The following SEPTIN7 variants were observed in gnomAD, a reference collection of about 807,000 sequenced individuals.
The protein encoded by SEPTIN7 is septin-7.
SEPTIN7 carries 10 observed loss-of-function variants against 63.3 expected under a neutral mutation model. The ratio of observed to expected loss-of-function variants is 0.16; its 90% CI spans 0.10 to 0.27. SEPTIN7 has a LOEUF of 0.27. SEPTIN7 is among the 10% of genes least tolerant of loss of function. SEPTIN7 has a pLI of 1.00. For missense variants in SEPTIN7, 310 were observed against 521.0 expected, an observed-to-expected ratio of 0.59 and a Z score of 3.94; for synonymous variants, 131 against 165.3, an observed-to-expected ratio of 0.79 and a Z score of 1.59.
At chr7:35,910,596 A>G (rs1181095556), downstream of SEPTIN7, among the ~76,000 whole-genome samples, 7 of 152,344 alleles carry the variant, frequency 4.6e-5, no homozygotes, top group South Asian at 4.1e-4. Flanking sequence ...ATGCCTATTA[A>G]TGTGATTTCT....
intron 10 of SEPTIN7, chr7:35,888,881 T>C: frequency 2.9e-6 from 1 of 340,534 alleles, no homozygotes; most frequent in South Asian, 2.4e-5. Context: ...TGTTTTATAT[T>C]GGCATAGGTA....
intron 7 of SEPTIN7, among the ~76,000 whole-genome samples, chr7:35,881,360 T>C (rs934254119): frequency 2.6e-5 from 4 of 151,960 alleles, no homozygotes; most frequent in Non-Finnish European, 4.4e-5. Flanking sequence ...AGTGACCTCT[T>C]CTTTCAAATT....
intron 1 of SEPTIN7, among the ~76,000 whole-genome samples, chr7:35,817,148 A>G (rs994223098): frequency 5.9e-5 from 9 of 152,030 alleles, no homozygotes; most frequent in Non-Finnish European, 1.3e-4. Flanking sequence ...GGTCATGAAA[A>G]TATACCCCTA....
chr7:35,823,124 T>C (rs1783314274), intron 1 of SEPTIN7, among the ~76,000 whole-genome samples: 2 of 152,174 alleles, frequency 1.3e-5, no homozygotes, highest in Admixed American at 6.5e-5. Flanking sequence ...ATAATAACCC[T>C]GTGGGGCTAT....
chr7:35,804,652 C>T (rs913630025), intron 1 of SEPTIN7, among the ~76,000 whole-genome samples: 4 of 152,042 alleles, frequency 2.6e-5, no homozygotes, highest in East Asian at 1.9e-4. Context: ...TACAGTTAGG[C>T]GTTGTTAACA....
chr7:35,880,063 T>C, intron 7 of SEPTIN7, 123 bp downstream of exon 7: 1 of 633,304 alleles, frequency 1.6e-6, no homozygotes, highest in South Asian at 1.9e-5. Flanking sequence ...TCATTTATAC[T>C]GTATTAGAAA....
At chr7:35,833,913 T>C (rs1210952612) in intron 3 of SEPTIN7, among the ~76,000 whole-genome samples, 1 of 152,026 alleles carries the variant, frequency 6.6e-6, no homozygotes, top group Non-Finnish European at 1.5e-5. Flanking sequence ...TTTGGCTCTT[T>C]GGAAGTTGTA....
At chr7:35,821,066 G>T (rs80014926) in intron 1 of SEPTIN7, among the ~76,000 whole-genome samples, 3 of 151,614 alleles carry the variant, frequency 2.0e-5, no homozygotes, top group African/African-American at 7.3e-5. Context: ...TGATTGTTCT[G>T]TTTTTTTCCA....
intron 1 of SEPTIN7, among the ~76,000 whole-genome samples, chr7:35,809,814 G>A (rs1788581519): frequency 1.3e-5 from 2 of 152,206 alleles, no homozygotes; most frequent in Admixed American, 6.5e-5. Flanking sequence ...CGTAAGAATC[G>A]TGATGATAAT....
At chr7:35,891,743 TTTCTC>T (rs1374358877) in intron 11 of SEPTIN7, among the ~76,000 whole-genome samples, 1 of 152,184 alleles carries the variant, frequency 6.6e-6, no homozygotes, top group Non-Finnish European at 1.5e-5. Flanking sequence ...ATTTTTTAAA[TTTCTC>T]TTCAATAATC....
intron 6 of SEPTIN7, among the ~76,000 whole-genome samples, chr7:35,878,846 A>G (rs1786645391): frequency 6.6e-6 from 1 of 152,182 alleles, no homozygotes; most frequent in African/African-American, 2.4e-5. Context: ...TAGCATATCC[A>G]CTGGGTAAAC....
Position 35,828,400 on chromosome 7 carries a change from A to T in SEPTIN7, c.62-3092A>T, listed in dbSNP as rs191247670. 2.0e-3 allele frequency among the ~76,000 whole-genome samples: 304 copies of T among 151,564 alleles called. 1 individual carries two copies. Among genetic ancestry groups the T allele is most frequent in the African/African-American group, 7.1e-3 (291 of 41,266 alleles). On this transcript the variant is annotated intron_variant, in intron 1 of 13. Coordinates refer to ENST00000350320, the MANE Select transcript of SEPTIN7 (RefSeq NM_001788.6). ...CCCTTCTTCTTTTTTTTGAGACTGG[A>T]GTTTCTCTCTTGTTGCCCAGGCTGG...
chr7:35,893,854 A>G (rs1787796684), intron 11 of SEPTIN7, among the ~76,000 whole-genome samples: 1 of 152,218 alleles, frequency 6.6e-6, no homozygotes, highest in Admixed American at 6.5e-5. Flanking sequence ...CCAGTCAGCT[A>G]TAATTTGTCT....
chr7:35,887,191 AT>A (rs1367557623), intron 10 of SEPTIN7, among the ~76,000 whole-genome samples: 1 of 152,208 alleles, frequency 6.6e-6, no homozygotes, highest in Non-Finnish European at 1.5e-5. Flanking sequence ...ATAAATACTA[AT>A]TTACCATTGC....
chr7:35,820,308 G>A (rs1789335963), intron 1 of SEPTIN7, among the ~76,000 whole-genome samples: 1 of 152,006 alleles, frequency 6.6e-6, no homozygotes, highest in Admixed American at 6.6e-5. Context: ...AATTTGGGAA[G>A]TTTTCAGTTC....
chr7:35,804,942 G>A (rs1788236821), intron 1 of SEPTIN7, among the ~76,000 whole-genome samples: 1 of 149,454 alleles, frequency 6.7e-6, no homozygotes. Flanking sequence ...CTGGGTTCAA[G>A]CAGTTCTCCT....
intron 4 of SEPTIN7, among the ~76,000 whole-genome samples, chr7:35,867,922 A>C (rs1785918948): frequency 6.7e-6 from 1 of 149,234 alleles, no homozygotes; most frequent in African/African-American, 2.5e-5. Context: ...CCCAGGCTGG[A>C]GTGCAGTGGT....
At chr7:35,880,218 C>CTTTTCTTTTTTTTTTTTTTTTT (rs1786766629) in intron 7 of SEPTIN7, among the ~76,000 whole-genome samples, 1 of 91,482 alleles carries the variant, frequency 1.1e-5, no homozygotes, top group Non-Finnish European at 2.3e-5. Context: ...CTTTTTTTTT[C>CTTTTCTTTTTTTTTTTTTTTTT]TTTTCTTTTT....
Position 35,882,593 on chromosome 7 carries a change from A to C in SEPTIN7, c.723+17A>C. The C allele has an allele frequency of 7.2e-7, 1 of 1,383,810 alleles. No individual in the cohort carries two copies. The highest frequency in any genetic ancestry group is 2.2e-4 in the Middle Eastern group (1 of 4,640). 85.7% of individuals were successfully genotyped at this position (1,383,810 alleles called of 1,614,324 possible). A position where few individuals can be genotyped will look rare whatever the true frequency, so the allele number is the denominator to read the frequency against. ...AAGATAAAGGTAGGTTCATCCCTGT[A>C]CACACGCTAAAGTAATCTGAGGCCT... is the stretch of plus-strand genomic sequence containing the variant. On this transcript the variant is annotated intron_variant, in intron 8 of 13. Coordinates refer to ENST00000350320, the MANE Select transcript of SEPTIN7 (RefSeq NM_001788.6).
Sources: gnomAD v4.1 joint callset for allele counts (sites outside exome capture counted in the v4.1 genomes callset) on GRCh38, gnomAD v4.1.1 for gene constraint, MANE v1.5 for transcripts, NCBI Gene and HGNC (gene_info 2026-07-23, HGNC 2026-07-21) for gene names.